Variants in PLCB4 observed in about 807,000 individuals in gnomAD.
The protein encoded by PLCB4 is phospholipase C beta 4, also known as 1-phosphatidylinositol 4,5-bisphosphate phosphodiesterase beta-4.
PLCB4 carries 77 observed loss-of-function variants against 178.8 expected under a neutral mutation model. That is an observed-to-expected ratio of 0.43 (90% CI 0.36 to 0.52). PLCB4 has a LOEUF of 0.52. PLCB4 is among the 20% of genes least tolerant of loss of function. The pLI is 0.00. For missense variants in PLCB4, 1,024 were observed against 1,453.4 expected, an observed-to-expected ratio of 0.70 and a Z score of 4.80; for synonymous variants, 496 against 490.8, an observed-to-expected ratio of 1.01 and a Z score of -0.14.
At chr20:9,150,512 T>G (rs1006157878) in intron 2 of PLCB4, among the ~76,000 whole-genome samples, 7 of 152,188 alleles carry the variant, frequency 4.6e-5, no homozygotes, top group African/African-American at 1.7e-4. Context: ...CTTAAGGTAT[T>G]CAAGGTATTT....
chr20:9,462,699 A>C (rs1301089699), intron 35 of PLCB4, among the ~76,000 whole-genome samples: 1 of 152,214 alleles, frequency 6.6e-6, no homozygotes, highest in Non-Finnish European at 1.5e-5. Context: ...AAATAAAGCA[A>C]GAAGAAAAGA....
intron 35 of PLCB4, 80 bp downstream of exon 35, chr20:9,459,890 G>A (rs766719873): frequency 6.7e-5 from 59 of 885,202 alleles, no homozygotes; most frequent in Non-Finnish European, 9.3e-5. Flanking sequence ...GAGAGCCAAG[G>A]TAATAAGTGA....
At chr20:9,093,902 A>G (rs1356149305) in intron 1 of PLCB4, among the ~76,000 whole-genome samples, 1 of 152,016 alleles carries the variant, frequency 6.6e-6, no homozygotes, top group African/African-American at 2.4e-5. Context: ...TTCAAATTTT[A>G]GTCAAATTGC....
intron 7 of PLCB4, among the ~76,000 whole-genome samples, chr20:9,342,695 C>T (rs1162414136): frequency 6.6e-6 from 1 of 150,596 alleles, no homozygotes; most frequent in Non-Finnish European, 1.5e-5. Flanking sequence ...CTCTGAATGC[C>T]TCAGATAGCC....
At position 9,307,802 on chromosome 20, in the gene PLCB4, C is replaced by A; in HGVS notation, c.-13C>A. ...GAGCTATTCTTTTTCATTTTTAGGT[C>A]TTGAATATAATCATGGCCAAACCTT... On this transcript the variant is annotated splice_region_variant and 5_prime_UTR_variant, in exon 4 of 40. Transcript: ENST00000378473. 2.0e-6 allele frequency: 3 copies of A among 1,521,820 alleles called. No homozygotes were observed. The highest frequency in any genetic ancestry group is 1.2e-5 in the South Asian group (1 of 83,550). The allele number at this position is 1,521,820 out of a possible 1,614,324, so 94.3% of individuals were successfully genotyped here. A position where few individuals can be genotyped will look rare whatever the true frequency, so the allele number is the denominator to read the frequency against.
chr20:9,405,381 C>A, intron 21 of PLCB4, 33 bp downstream of exon 21: 2 of 1,291,876 alleles, frequency 1.5e-6, no homozygotes, highest in East Asian at 2.5e-5. Context: ...CATTTTAAAT[C>A]AGATGCATCT....
At chr20:9,115,713 G>A (rs1415210417) in intron 2 of PLCB4, among the ~76,000 whole-genome samples, 1 of 151,528 alleles carries the variant, frequency 6.6e-6, no homozygotes, top group African/African-American at 2.4e-5. Flanking sequence ...TGTAAATTTA[G>A]TGTAATTAAT....
At chr20:9,359,610 G>A (rs545261707) in intron 7 of PLCB4, among the ~76,000 whole-genome samples, 352 of 152,320 alleles carry the variant, frequency 2.3e-3, no homozygotes, top group Middle Eastern at 0.02. Flanking sequence ...CTCAGGCTTC[G>A]GCTTGGGGTG....
intron 3 of PLCB4, among the ~76,000 whole-genome samples, chr20:9,299,373 A>G (rs1003801221): frequency 1.2e-4 from 18 of 152,092 alleles, no homozygotes; most frequent in African/African-American, 4.3e-4. Context: ...TAAAGAAAAG[A>G]AAATTCTAAA....
chr20:9,253,295 T>C (rs1965174188), intron 3 of PLCB4, among the ~76,000 whole-genome samples: 1 of 152,162 alleles, frequency 6.6e-6, no homozygotes, highest in South Asian at 2.1e-4. Context: ...GAGTTGCACA[T>C]TCTTGGTCTT....
chr20:9,238,432 A>G (rs1280852862), intron 3 of PLCB4, among the ~76,000 whole-genome samples: 2 of 152,012 alleles, frequency 1.3e-5, no homozygotes, highest in Non-Finnish European at 2.9e-5. Context: ...CACCTTATCC[A>G]TATGTGGGTG....
intron 1 of PLCB4, among the ~76,000 whole-genome samples, chr20:9,077,560 A>T (rs1472577818): frequency 2.0e-5 from 3 of 152,230 alleles, no homozygotes; most frequent in Non-Finnish European, 4.4e-5. Context: ...TTGAAAATAC[A>T]GTTCTTAATC....
chr20:9,277,970 C>T (rs941194317), intron 3 of PLCB4, among the ~76,000 whole-genome samples: 2 of 152,024 alleles, frequency 1.3e-5, no homozygotes, highest in African/African-American at 4.8e-5. Flanking sequence ...AGACCAAGTG[C>T]AGCCACAACA....
chr20:9,258,714 C>CAAAAAA (rs969525907), intron 3 of PLCB4, among the ~76,000 whole-genome samples: 2 of 62,786 alleles, frequency 3.2e-5, no homozygotes, highest in African/African-American at 5.4e-5. Flanking sequence ...GACTTCCTCT[C>CAAAAAA]AAAAAAAAAA....
chr20:9,335,166 T>C (rs2032276012), intron 4 of PLCB4, among the ~76,000 whole-genome samples: 1 of 152,150 alleles, frequency 6.6e-6, no homozygotes, highest in Non-Finnish European at 1.5e-5. Flanking sequence ...CATTGGGATA[T>C]ATTTGGAAAT....
intron 2 of PLCB4, among the ~76,000 whole-genome samples, chr20:9,151,021 T>C (rs977039127): frequency 5.9e-5 from 9 of 152,236 alleles, no homozygotes; most frequent in African/African-American, 2.2e-4. Context: ...TGGGTTTCCC[T>C]GAGGAAACAA....
At position 9,453,288 on chromosome 20, in the gene PLCB4, C is replaced by G. The variant is rs2042877611; in HGVS notation, c.2881-59C>G. The G allele has an allele frequency of 4.1e-6, 4 of 967,884 alleles. No individual in the cohort carries two copies. In the African/African-American group the frequency reaches 6.4e-5, roughly 16 times the overall value. The allele number at this position is 967,884 out of a possible 1,614,324, so 60.0% of individuals were successfully genotyped here. A position where few individuals can be genotyped will look rare whatever the true frequency, so the allele number is the denominator to read the frequency against. On this transcript the variant is annotated intron_variant, in intron 32 of 39. Coordinates refer to ENST00000378473, the MANE Select transcript of PLCB4 (RefSeq NM_001377142.1). ...GAAGCTGGTGAAAGTTATGCCAGCC[C>G]TATATGGTGTGAGCCATGCTAAGAG... is the stretch of plus-strand genomic sequence containing the variant.
rs149759045 is a variant in PLCB4, at chr20:9,389,646, A to G, written c.1159-233A>G. Among the ~76,000 whole-genome samples the G allele has an allele frequency of 2.3e-3, 343 of 152,320 alleles. 2 individuals are homozygous for G. The highest frequency in any genetic ancestry group is 6.9e-3 in the African/African-American group (285 of 41,562). ...AAATCTCTTGTAAGTTAATAGCACC[A>G]TAATTCTGGAGAAGTAAAAGATAGC... On this transcript the variant is annotated intron_variant, in intron 15 of 39. Coordinates refer to ENST00000378473, the MANE Select transcript of PLCB4 (RefSeq NM_001377142.1).
chr20:9,171,511 G>A (rs542278945), intron 2 of PLCB4, among the ~76,000 whole-genome samples: 1 of 152,252 alleles, frequency 6.6e-6, no homozygotes, highest in South Asian at 2.1e-4. Flanking sequence ...GAATCTGTAT[G>A]TGCATATTTA....
Sources: allele counts gnomAD v4.1 joint callset (sites outside exome capture counted in the v4.1 genomes callset), GRCh38; gene constraint gnomAD v4.1.1; transcripts MANE v1.5; gene names NCBI Gene and HGNC (gene_info 2026-07-23, HGNC 2026-07-21).